ELF5: variants seen among roughly 807,000 people sequenced by gnomAD.
ELF5 encodes E74 like ETS transcription factor 5.
Under a neutral mutation model 38.2 loss-of-function variants are expected in ELF5, and 31 were observed. The ratio of observed to expected loss-of-function variants is 0.81; its 90% CI spans 0.61 to 1.10. The LOEUF is 1.10. ELF5 is among the 50% of genes least tolerant of loss of function. The pLI, the probability that ELF5 is intolerant of heterozygous loss-of-function variation, is 0.00. For synonymous variants in ELF5, 121 were observed against 112.5 expected (o/e 1.08, Z -0.48); for missense variants, 300 against 306.6 (o/e 0.98, Z 0.16).
chr11:34,512,080 C>G (rs1850774847), intron 1 of ELF5, among the ~76,000 whole-genome samples: 1 of 152,138 alleles, frequency 6.6e-6, no homozygotes, highest in Admixed American at 6.5e-5. Flanking sequence ...TCCACTCCGT[C>G]CCAAGACTTG....
intron 4 of ELF5, among the ~76,000 whole-genome samples, chr11:34,484,008 C>T (rs543959531): frequency 6.6e-6 from 1 of 151,630 alleles, no homozygotes; most frequent in Admixed American, 6.6e-5. Flanking sequence ...ACTATATTAA[C>T]TGTATTGTAC....
chr11:34,490,874 A>G (rs531136830), intron 3 of ELF5, among the ~76,000 whole-genome samples: 3 of 152,246 alleles, frequency 2.0e-5, no homozygotes, highest in African/African-American at 7.2e-5. Flanking sequence ...GACTCTGTCC[A>G]AAGGGCCGAC....
chr11:34,501,103 G>A (rs748914934), intron 2 of ELF5, among the ~76,000 whole-genome samples: 3 of 152,206 alleles, frequency 2.0e-5, no homozygotes, highest in Non-Finnish European at 4.4e-5. Context: ...CACGTAACCC[G>A]TAAGTGGCAG....
At chr11:34,504,178 A>C (rs1394448941) in intron 2 of ELF5, among the ~76,000 whole-genome samples, 1 of 152,254 alleles carries the variant, frequency 6.6e-6, no homozygotes, top group Non-Finnish European at 1.5e-5. Flanking sequence ...ACTGTGGGAA[A>C]CATAGGGAGG....
At chr11:34,507,449 G>A (rs1850638067) in intron 1 of ELF5, among the ~76,000 whole-genome samples, 1 of 152,242 alleles carries the variant, frequency 6.6e-6, no homozygotes, top group Non-Finnish European at 1.5e-5. Context: ...TGGCTCAGGT[G>A]TGTCTGTTTA....
chr11:34,486,588 G>C (rs900400900), intron 4 of ELF5, among the ~76,000 whole-genome samples: 2 of 152,236 alleles, frequency 1.3e-5, no homozygotes, highest in African/African-American at 4.8e-5. Context: ...GTGTGTGCAT[G>C]TGTGAGTGTG....
At chr11:34,491,819 G>T (rs1850181476) in intron 3 of ELF5, 1 of 152,036 alleles carries the variant, frequency 6.6e-6, no homozygotes, top group Admixed American at 6.6e-5. Flanking sequence ...TAGATGATCT[G>T]CCTGCCTCAG....
chr11:34,480,395 T>G, intron 6 of ELF5, 81 bp from the exon 7 acceptor site: 1 of 1,093,248 alleles, frequency 9.1e-7, no homozygotes, highest in Non-Finnish European at 1.4e-6. Context: ...GTCTCCTCAT[T>G]CCTCTCAGGT....
intron 1 of ELF5, among the ~76,000 whole-genome samples, chr11:34,512,067 A>T (rs1329634262): frequency 6.6e-6 from 1 of 152,118 alleles, no homozygotes; most frequent in Non-Finnish European, 1.5e-5. Context: ...TGATACCCAA[A>T]TGTCCACTCC....
chr11:34,489,123 C>A (rs1444156296), intron 4 of ELF5, among the ~76,000 whole-genome samples: 2 of 152,236 alleles, frequency 1.3e-5, no homozygotes, highest in Admixed American at 6.5e-5. Flanking sequence ...GCGTGTGGTC[C>A]ACGAACTGGC....
chr11:34,489,712 C>T (rs771491267), intron 4 of ELF5, among the ~76,000 whole-genome samples: 8 of 152,166 alleles, frequency 5.3e-5, no homozygotes, highest in Non-Finnish European at 1.0e-4. Context: ...ATGCTGGGCT[C>T]TTTGTGTGCA....
At position 34,495,139 on chromosome 11, in the gene ELF5, C is replaced by T. The variant is rs749137327; in HGVS notation, c.122-1427G>A. ...TTGAAAGCCATTGCTCTCCCCACAC[C>T]ACCATACCGGGTCAGCACAGAGCAG... On this transcript the variant is annotated intron_variant, in intron 2 of 6. Coordinates refer to ENST00000257832, the MANE Select transcript of ELF5 (RefSeq NM_001422.4). Among the ~76,000 whole-genome samples the T allele has an allele frequency of 3.9e-5, 6 of 152,308 alleles. 1 individual carries two copies. The South Asian group carries it at 1.2e-3, about 32-fold the overall frequency.
At chr11:34,482,529 A>G in intron 4 of ELF5, 30 bp from the exon 5 acceptor site, 1 of 1,561,782 alleles carries the variant, frequency 6.4e-7, no homozygotes, top group Non-Finnish European at 8.7e-7. Context: ...AGCAGTGGAA[A>G]GGGATATAGA....
At chr11:34,512,815 T>C (rs1376248621) in intron 1 of ELF5, among the ~76,000 whole-genome samples, 4 of 152,158 alleles carry the variant, frequency 2.6e-5, no homozygotes, top group Non-Finnish European at 5.9e-5. Context: ...AATCAAGCGT[T>C]CACTCGGATG....
chr11:34,500,126 G>T (rs559931116), intron 2 of ELF5, among the ~76,000 whole-genome samples: 1 of 152,146 alleles, frequency 6.6e-6, no homozygotes, highest in African/African-American at 2.4e-5. Context: ...ATCTAGCTGA[G>T]GAAAAACTAC....
At chr11:34,502,671 C>T (rs3758738) in intron 2 of ELF5, among the ~76,000 whole-genome samples, 20,012 of 152,272 alleles carry the variant, frequency 0.13, 1,474 homozygotes, top group Admixed American at 0.21. Context: ...TCCCGAGGGC[C>T]GGTGGCTACT....
chr11:34,484,482 A>ACTATCCTATCCTATACTATC (rs769315692), intron 4 of ELF5, among the ~76,000 whole-genome samples: 1 of 21,200 alleles, frequency 4.7e-5, no homozygotes, highest in African/African-American at 1.0e-4. Context: ...CACTATACTA[A>ACTATCCTATCCTATACTATC]CTATACTATA....
chr11:34,490,946 T>G (rs1241688484), intron 3 of ELF5, among the ~76,000 whole-genome samples: 1 of 152,082 alleles, frequency 6.6e-6, no homozygotes, highest in Non-Finnish European at 1.5e-5. Context: ...GAAGCCAACC[T>G]CTGACCTTGC....
intron 1 of ELF5, among the ~76,000 whole-genome samples, chr11:34,512,255 A>G (rs914719390): frequency 2.5e-5 from 3 of 121,990 alleles, no homozygotes; most frequent in African/African-American, 1.2e-4. Flanking sequence ...GTGAGAACCA[A>G]TTTGCTGACC....
Sources: allele counts gnomAD v4.1 joint callset (sites outside exome capture counted in the v4.1 genomes callset), GRCh38; gene constraint gnomAD v4.1.1; transcripts MANE v1.5; gene names NCBI Gene and HGNC (gene_info 2026-07-23, HGNC 2026-07-21).